Variants in CACNG2 observed in about 807,000 individuals in gnomAD.
The protein encoded by CACNG2 is voltage-dependent calcium channel gamma-2 subunit.
A neutral mutation model predicts 25.9 loss-of-function variants in CACNG2; 3 were observed. That is an observed-to-expected ratio of 0.12 (90% CI 0.05 to 0.30). The LOEUF (loss-of-function observed/expected upper bound fraction) is 0.30, where lower values mean the gene tolerates loss of function less well. Ranked by LOEUF, CACNG2 falls within the 10% of genes least tolerant of loss-of-function variation. The probability of loss-of-function intolerance (pLI) is 1.00; values close to 1 mark genes in which losing one functional copy is unlikely to be tolerated. For synonymous variants in CACNG2, 167 were observed against 173.3 expected, an observed-to-expected ratio of 0.96 and a Z score of 0.29; for missense variants, 341 against 432.5, an observed-to-expected ratio of 0.79 and a Z score of 1.88.
In CACNG2 at chr22:36,606,244, A is replaced by G. The variant is rs1244876679; in HGVS notation, c.212-18696T>C. 6.6e-6 allele frequency among the ~76,000 whole-genome samples: 1 copy of G among 152,192 alleles called. No individual in the cohort carries two copies. Among genetic ancestry groups the G allele is most frequent in the Non-Finnish European group, 1.5e-5 (1 of 68,046 alleles). On this transcript the variant is annotated intron_variant, in intron 1 of 3. Transcript: ENST00000300105. The surrounding 1 kb of genome is among the most constrained non-coding windows in gnomAD (Gnocchi z 5.7). ...GACCCTAGACAAATAATTAATGCAG[A>G]CGACCCAGAATGAAACCACAAGGGC...
intron 1 of CACNG2, among the ~76,000 whole-genome samples, chr22:36,623,122 G>A (rs1004944323): frequency 6.9e-6 from 1 of 144,736 alleles, no homozygotes; most frequent in African/African-American, 2.6e-5. Flanking sequence ...CTAGGTTCAA[G>A]AGATTCTCCT....
intron 1 of CACNG2, among the ~76,000 whole-genome samples, chr22:36,615,965 C>G (rs1936016371): frequency 6.6e-6 from 1 of 152,200 alleles, no homozygotes; most frequent in South Asian, 2.1e-4. Flanking sequence ...TATTATTCAA[C>G]CACACACGTG....
At chr22:36,584,843 C>T (rs56777294) in intron 2 of CACNG2, 6,251 of 152,316 alleles carry the variant, frequency 0.041, 161 homozygotes, top group Middle Eastern at 0.082. Flanking sequence ...CACAGCCTCC[C>T]CTGCGGCAGA....
At chr22:36,613,156 C>CTCTGTGTGTGTGTGTG (rs140413982) in intron 1 of CACNG2, among the ~76,000 whole-genome samples, 1 of 146,120 alleles carries the variant, frequency 6.8e-6, no homozygotes, top group East Asian at 2.0e-4. Flanking sequence ...TACAGGCTCT[C>CTCTGTGTGTGTGTGTG]TGTGTGTGTG....
At position 36,564,871 on chromosome 22, in the gene CACNG2, A is replaced by G; in HGVS notation, c.452T>C (p.Ile151Thr). 1 of 1,613,448 alleles carries G rather than the reference A, an allele frequency of 6.2e-7. No homozygotes were observed. The highest frequency in any genetic ancestry group is 8.5e-7 in the Non-Finnish European group (1 of 1,179,990). ...FFVSAGLSNI[I>T]GIIVYISANA... ...GGCAGATATGTACACTATGATGCCA[A>G]TGATGTTACTCAGACCTGCGGGGCG... Residue 151 changes from isoleucine to threonine, a missense_variant, in exon 4 of 4, where the codon ATT (isoleucine) becomes ACT (threonine). Physicochemically the swap from Ile to Thr is moderately conservative, Grantham distance 89. This residue lies in a region of CACNG2 where 169 missense variants were observed against 254.4 expected (regional missense o/e 0.66). Transcript: ENST00000300105. This position sits in a 1 kb window ranked among gnomAD's most constrained non-coding sequence, Gnocchi z 6.7.
chr22:36,592,341 G>A (rs1404207815), intron 1 of CACNG2, among the ~76,000 whole-genome samples: 1 of 152,008 alleles, frequency 6.6e-6, no homozygotes, highest in African/African-American at 2.4e-5. Flanking sequence ...GAGCTGCAAC[G>A]GTGGCACGTG....
chr22:36,697,409 G>T (rs996769126), intron 1 of CACNG2, among the ~76,000 whole-genome samples: 1 of 152,184 alleles, frequency 6.6e-6, no homozygotes, highest in African/African-American at 2.4e-5. Flanking sequence ...CGTGGCTTGG[G>T]TCTACTGCCC....
At chr22:36,625,961 C>G (rs1187705048) in intron 1 of CACNG2, among the ~76,000 whole-genome samples, 3 of 152,102 alleles carry the variant, frequency 2.0e-5, no homozygotes, top group Admixed American at 1.3e-4. Context: ...ACTCTGTCAC[C>G]CAGGCTGGAG....
intron 1 of CACNG2, among the ~76,000 whole-genome samples, chr22:36,640,423 A>G (rs925917007): frequency 2.6e-5 from 4 of 152,274 alleles, no homozygotes; most frequent in Non-Finnish European, 5.9e-5. Flanking sequence ...AGTTTCCTTC[A>G]CGGAGGAGCA....
At chr22:36,701,898 G>A (rs1937415403) in intron 1 of CACNG2, among the ~76,000 whole-genome samples, 1 of 152,166 alleles carries the variant, frequency 6.6e-6, no homozygotes. Context: ...TTTGCAGATG[G>A]TGGTGTGTCT....
chr22:36,685,720 C>T (rs951057373), intron 1 of CACNG2, among the ~76,000 whole-genome samples: 1 of 152,266 alleles, frequency 6.6e-6, no homozygotes, highest in African/African-American at 2.4e-5. Context: ...TGTTCCGGGA[C>T]CAAGGCGGGG....
chr22:36,597,347 T>TG (rs1036932539), intron 1 of CACNG2, among the ~76,000 whole-genome samples: 1 of 152,024 alleles, frequency 6.6e-6, no homozygotes, highest in African/African-American at 2.4e-5. Context: ...ACATGTGATT[T>TG]GGGGGAGGAG....
chr22:36,571,531 T>C (rs111364790), intron 2 of CACNG2, among the ~76,000 whole-genome samples: 3 of 151,532 alleles, frequency 2.0e-5, no homozygotes, highest in African/African-American at 4.8e-5. Context: ...TTTAATGAGA[T>C]CCCCAGAGCA....
At chr22:36,640,863 C>T (rs1482210242) in intron 1 of CACNG2, among the ~76,000 whole-genome samples, 2 of 152,130 alleles carry the variant, frequency 1.3e-5, no homozygotes, top group East Asian at 1.9e-4. Context: ...CAAGCCCTTC[C>T]GTGTCTGTCC....
chr22:36,594,933 T>G (rs899955428), intron 1 of CACNG2, among the ~76,000 whole-genome samples: 1 of 151,474 alleles, frequency 6.6e-6, no homozygotes, highest in Non-Finnish European at 1.5e-5. Context: ...TGTGTGCATG[T>G]GTGTTTGTGT....
intron 1 of CACNG2, among the ~76,000 whole-genome samples, chr22:36,613,972 C>A (rs1935983836): frequency 6.6e-6 from 1 of 152,150 alleles, no homozygotes; most frequent in African/African-American, 2.4e-5. Flanking sequence ...CCGTTCCCTG[C>A]ACTCTCAGAA....
At chr22:36,623,277 T>G (rs139182736) in intron 1 of CACNG2, among the ~76,000 whole-genome samples, 1,633 of 152,114 alleles carry the variant, frequency 0.011, 23 homozygotes, top group African/African-American at 0.038. Flanking sequence ...TGCCTCGGCC[T>G]CCCAAAGTGC....
intron 1 of CACNG2, among the ~76,000 whole-genome samples, chr22:36,659,821 C>A (rs751276850): frequency 2.0e-5 from 3 of 152,078 alleles, no homozygotes; most frequent in Non-Finnish European, 2.9e-5. Context: ...ATCTGCGCGG[C>A]CCCTCCCCCA....
chr22:36,614,248 C>T (rs549691071), intron 1 of CACNG2, among the ~76,000 whole-genome samples: 1 of 152,292 alleles, frequency 6.6e-6, no homozygotes, highest in Admixed American at 6.5e-5. Context: ...ACGTTTGCCA[C>T]GTGCTTCCTG....
Sources: gnomAD v4.1 joint callset for allele counts (sites outside exome capture counted in the v4.1 genomes callset) on GRCh38, gnomAD v4.1.1 for gene constraint, gnomAD v4.1.1 regional missense constraint, Gnocchi (gnomAD v3.1) non-coding constraint, MANE v1.5 for transcripts, NCBI Gene and HGNC (gene_info 2026-07-23, HGNC 2026-07-21) for gene names.